The following GABRG3 variants were observed in gnomAD, a reference collection of about 807,000 sequenced individuals.
GABRG3 encodes the protein gamma-aminobutyric acid type A receptor subunit gamma3, also known as gamma-aminobutyric acid receptor subunit gamma-3.
GABRG3 carries 25 observed loss-of-function variants against 48.8 expected under a neutral mutation model. That is an observed-to-expected ratio of 0.51 (90% CI 0.37 to 0.72). The LOEUF is 0.72. Ranked by LOEUF, GABRG3 falls within the 30% of genes least tolerant of loss-of-function variation. GABRG3 has a pLI of 0.00. For missense variants in GABRG3, 394 were observed against 577.9 expected (o/e 0.68, Z 3.26); for synonymous variants, 227 against 217.6 (o/e 1.04, Z -0.38).
intron 5 of GABRG3, among the ~76,000 whole-genome samples, chr15:27,369,724 G>A (rs919500298): frequency 1.0e-4 from 15 of 149,158 alleles, no homozygotes; most frequent in African/African-American, 2.2e-4. Context: ...GGAGAATGGC[G>A]TGAACCCGGG....
At chr15:27,221,103 A>G (rs1889439738) in intron 3 of GABRG3, among the ~76,000 whole-genome samples, 1 of 152,186 alleles carries the variant, frequency 6.6e-6, no homozygotes, top group Non-Finnish European at 1.5e-5. Context: ...GGGGAGTCAG[A>G]ACATGCTCTA....
chr15:27,500,476 A>C (rs1890595341), intron 6 of GABRG3, among the ~76,000 whole-genome samples: 1 of 152,202 alleles, frequency 6.6e-6, no homozygotes, highest in Non-Finnish European at 1.5e-5. Context: ...CGCACCTGTC[A>C]ACCTTCGAAA....
chr15:27,268,286 T>A (rs1201848259), intron 3 of GABRG3, among the ~76,000 whole-genome samples: 1 of 152,200 alleles, frequency 6.6e-6, no homozygotes, highest in Non-Finnish European at 1.5e-5. Flanking sequence ...AAGGAATATG[T>A]CCATGTCACT....
intron 3 of GABRG3, among the ~76,000 whole-genome samples, chr15:27,201,650 G>A (rs1434423680): frequency 6.6e-6 from 1 of 152,136 alleles, no homozygotes; most frequent in Non-Finnish European, 1.5e-5. Context: ...TGTAGGAGCT[G>A]ACTTCAGCCA....
At chr15:27,088,231 G>T (rs975307458) in intron 3 of GABRG3, among the ~76,000 whole-genome samples, 1 of 140,420 alleles carries the variant, frequency 7.1e-6, no homozygotes, top group Admixed American at 7.3e-5. Context: ...GCCGCGGTGC[G>T]TTCTGGGAGT....
intron 2 of GABRG3, among the ~76,000 whole-genome samples, chr15:26,977,920 A>G (rs908288487): frequency 6.6e-6 from 1 of 152,190 alleles, no homozygotes; most frequent in Non-Finnish European, 1.5e-5. Context: ...AAGTGGATAC[A>G]CTATTTTTCG....
chr15:27,409,209 C>T (rs1254184404), intron 5 of GABRG3, among the ~76,000 whole-genome samples: 1 of 151,818 alleles, frequency 6.6e-6, no homozygotes, highest in African/African-American at 2.4e-5. Context: ...AGATTTATTC[C>T]CATGTTTTTC....
intron 3 of GABRG3, among the ~76,000 whole-genome samples, chr15:27,308,423 G>A (rs1032943837): frequency 4.8e-5 from 7 of 145,438 alleles, no homozygotes; most frequent in Non-Finnish European, 7.6e-5. Flanking sequence ...AACATGTAAT[G>A]TAAACATACC....
At position 27,319,459 on chromosome 15, in the gene GABRG3, G is replaced by A. The variant is rs1183851532; in HGVS notation, c.271-7350G>A. Among the ~76,000 whole-genome samples, 2 of 152,200 alleles carry A rather than the reference G, an allele frequency of 1.3e-5. No individual in the cohort carries two copies. The highest frequency in any genetic ancestry group is 2.9e-5 in the Non-Finnish European group (2 of 68,044). On this transcript the variant is annotated intron_variant, in intron 3 of 9. Transcript: ENST00000615808. This position sits in a 1 kb window ranked among gnomAD's most constrained non-coding sequence, Gnocchi z 4.4. ...TCACTGCTGACCAGCACTGTGGTGG[G>A]GCAGTCTCTATGCGGAATTTGCGGA... is the stretch of plus-strand genomic sequence containing the variant.
intron 3 of GABRG3, among the ~76,000 whole-genome samples, chr15:27,039,084 A>G (rs1228926182): frequency 6.6e-6 from 1 of 152,198 alleles, no homozygotes; most frequent in African/African-American, 2.4e-5. Flanking sequence ...ACTGATGGCC[A>G]AGGAGCAGAG....
intron 3 of GABRG3, among the ~76,000 whole-genome samples, chr15:27,159,610 G>C (rs741124): frequency 0.48 from 72,726 of 151,650 alleles, 17,784 homozygotes; most frequent in Admixed American, 0.54. Context: ...TTGATTATTC[G>C]TTCTCAGCTA....
chr15:27,369,417 T>C (rs1465500863), intron 5 of GABRG3, among the ~76,000 whole-genome samples: 1 of 152,230 alleles, frequency 6.6e-6, no homozygotes. Context: ...AACAATGCCA[T>C]TGTAGACAGT....
intron 3 of GABRG3, among the ~76,000 whole-genome samples, chr15:27,120,117 A>T (rs994380205): frequency 3.3e-5 from 5 of 152,212 alleles, no homozygotes; most frequent in African/African-American, 1.2e-4. Context: ...CTAACAGGAA[A>T]TGTCAGGAAA....
chr15:27,186,178 C>T (rs547787740), intron 3 of GABRG3, among the ~76,000 whole-genome samples: 5 of 152,184 alleles, frequency 3.3e-5, no homozygotes, highest in African/African-American at 1.2e-4. Context: ...GGCCTGCTCC[C>T]TCTTTCCTCG....
At chr15:27,464,230 A>G (rs1889536090) in intron 5 of GABRG3, among the ~76,000 whole-genome samples, 1 of 152,110 alleles carries the variant, frequency 6.6e-6, no homozygotes, top group African/African-American at 2.4e-5. Flanking sequence ...CATCACCCCA[A>G]AATGAAACCC....
intron 3 of GABRG3, chr15:27,208,713 A>AAATAAAATAATGC (rs1888962358): frequency 6.6e-6 from 1 of 152,346 alleles, no homozygotes; most frequent in Non-Finnish European, 1.5e-5. Context: ...TTTTTAATTC[A>AAATAAAATAATGC]CTGAAGTTTT....
intron 6 of GABRG3, among the ~76,000 whole-genome samples, chr15:27,486,876 G>A (rs1043297751): frequency 6.6e-6 from 1 of 152,136 alleles, no homozygotes; most frequent in Non-Finnish European, 1.5e-5. Context: ...CACTAAACCA[G>A]CTGCCAGCAT....
At chr15:27,492,996 A>C (rs2150850219) in intron 6 of GABRG3, among the ~76,000 whole-genome samples, 1 of 152,356 alleles carries the variant, frequency 6.6e-6, no homozygotes, top group South Asian at 2.1e-4. Context: ...GTGGAGATGC[A>C]CCAAGATAAA....
chr15:27,532,180 A>C (rs1193028802), intron 9 of GABRG3, among the ~76,000 whole-genome samples: 3 of 152,208 alleles, frequency 2.0e-5, no homozygotes, highest in Non-Finnish European at 4.4e-5. Flanking sequence ...AGGGACTTCA[A>C]ATGACTAATA....
Sources: allele counts gnomAD v4.1 joint callset (sites outside exome capture counted in the v4.1 genomes callset), GRCh38; gene constraint gnomAD v4.1.1; non-coding constraint Gnocchi (gnomAD v3.1); transcripts MANE v1.5; gene names NCBI Gene and HGNC (gene_info 2026-07-23, HGNC 2026-07-21).